Variants in NRXN3 observed in about 807,000 individuals in gnomAD.
The protein encoded by NRXN3 is neurexin III.
In NRXN3, 32 loss-of-function variants were observed where a neutral mutation model predicts 137.6. The observed-to-expected ratio is 0.23, with a 90% CI of 0.18 to 0.31. NRXN3 has a LOEUF of 0.31. Among genes scored for constraint, NRXN3 ranks in the 10% least tolerant of loss-of-function variants. The probability of loss-of-function intolerance (pLI) is 1.00; values close to 1 mark genes in which losing one functional copy is unlikely to be tolerated. For synonymous variants in NRXN3, 798 were observed against 784.5 expected (o/e 1.02, Z -0.29); for missense variants, 1,574 against 2,062.5 (o/e 0.76, Z 4.59).
At chr14:78,908,240 A>T (rs1011071073) in intron 10 of NRXN3, among the ~76,000 whole-genome samples, 2 of 152,044 alleles carry the variant, frequency 1.3e-5, no homozygotes, top group African/African-American at 2.4e-5. Context: ...TTTATTTCCC[A>T]TTATAGAAAC....
intron 16 of NRXN3, among the ~76,000 whole-genome samples, chr14:79,475,301 A>G (rs1349914858): frequency 6.6e-6 from 1 of 152,190 alleles, no homozygotes; most frequent in Non-Finnish European, 1.5e-5. Context: ...GGAAATTATG[A>G]GAAGGAAAGG....
intron 16 of NRXN3, among the ~76,000 whole-genome samples, chr14:79,579,526 T>C (rs221415): frequency 0.27 from 40,855 of 151,714 alleles, 7,917 homozygotes; most frequent in African/African-American, 0.55. Context: ...TTATCATTCA[T>C]GTAGAATACA....
chr14:79,116,871 G>A (rs979953948), intron 15 of NRXN3, among the ~76,000 whole-genome samples: 1 of 152,176 alleles, frequency 6.6e-6, no homozygotes, highest in Non-Finnish European at 1.5e-5. Context: ...GTTTGGAAAG[G>A]TAGTGATTCT....
At chr14:78,511,831 G>A (rs1436910130) in intron 4 of NRXN3, among the ~76,000 whole-genome samples, 1 of 151,996 alleles carries the variant, frequency 6.6e-6, no homozygotes, top group Non-Finnish European at 1.5e-5. Context: ...TAGAACCCAG[G>A]ACTTCCAGCT....
chr14:79,726,167 ATTTG>A (rs1268225822), intron 19 of NRXN3, among the ~76,000 whole-genome samples: 1 of 152,164 alleles, frequency 6.6e-6, no homozygotes. Context: ...TCTCTAATAT[ATTTG>A]TTTAAAAAGG....
intron 16 of NRXN3, among the ~76,000 whole-genome samples, chr14:79,604,534 CTTT>C (rs60892453): frequency 6.9e-6 from 1 of 145,318 alleles, no homozygotes. Context: ...TGCTCCCGGA[CTTT>C]TTTTTTTTTT....
chr14:78,343,362 A>G (rs979021293), intron 4 of NRXN3, among the ~76,000 whole-genome samples: 1 of 152,204 alleles, frequency 6.6e-6, no homozygotes, highest in Non-Finnish European at 1.5e-5. Context: ...TAAAGCATCA[A>G]TGTTGACATT....
chr14:78,543,322 C>T lies in NRXN3; in HGVS notation c.758-101798C>T, dbSNP rs188191305. Among the ~76,000 whole-genome samples the T allele has an allele frequency of 3.2e-4, 48 of 152,302 alleles. 1 individual carries two copies. The highest frequency in any genetic ancestry group is 2.9e-3 in the Admixed American group (45 of 15,292). On this transcript the variant is annotated intron_variant, in intron 4 of 20. Transcript: ENST00000335750. ...TTATGTAAAACTTAATGCATATGTA[C>T]ACTTTTCTAGAGAGGAAGTCTTGAG...
At chr14:79,723,828 T>A (rs1568015193) in intron 19 of NRXN3, among the ~76,000 whole-genome samples, 1 of 152,226 alleles carries the variant, frequency 6.6e-6, no homozygotes, top group East Asian at 1.9e-4. Flanking sequence ...AAGCCCTTGA[T>A]ATGCAGCTAG....
Position 79,866,383 on chromosome 14 carries a change from A to C in NRXN3, c.*4419A>C, listed in dbSNP as rs538134910. Reference sequence around the variant, plus strand: ...AATAAGCTATCAAAAAGTACAAACTAAGTTGGGAGCTTAGAAGAAATTATG... The same window carrying C: ...AATAAGCTATCAAAAAGTACAAACTCAGTTGGGAGCTTAGAAGAAATTATG... On this transcript the variant is annotated 3_prime_UTR_variant, in exon 21 of 21. Transcript: ENST00000335750. 52 of 152,336 alleles carry C rather than the reference A, an allele frequency of 3.4e-4. No homozygotes were observed. Among genetic ancestry groups the C allele is most frequent in the African/African-American group, 1.2e-3 (51 of 41,572 alleles). 9.4% of individuals were successfully genotyped at this position (152,336 alleles called of 1,614,324 possible). A position where few individuals can be genotyped will look rare whatever the true frequency, so the allele number is the denominator to read the frequency against.
intron 20 of NRXN3, chr14:79,823,770 T>C (rs1156481181): frequency 3.1e-5 from 8 of 262,262 alleles, no homozygotes; most frequent in African/African-American, 8.8e-5. Flanking sequence ...TCCTTTTTCC[T>C]GGGTTGAATT....
intron 15 of NRXN3, among the ~76,000 whole-genome samples, chr14:79,457,737 A>C (rs749581298): frequency 1.3e-5 from 2 of 152,194 alleles, no homozygotes; most frequent in Non-Finnish European, 2.9e-5. Flanking sequence ...AAATCAAAGC[A>C]CTGGAAATAA....
intron 4 of NRXN3, among the ~76,000 whole-genome samples, chr14:78,540,917 C>A (rs968793289): frequency 3.3e-5 from 5 of 152,126 alleles, no homozygotes; most frequent in Non-Finnish European, 5.9e-5. Flanking sequence ...GTTGAAAATT[C>A]TTTTATTTTA....
intron 1 of NRXN3, among the ~76,000 whole-genome samples, chr14:78,189,440 TG>T (rs1370712224): frequency 2.0e-5 from 3 of 152,174 alleles, no homozygotes; most frequent in Admixed American, 1.3e-4. Context: ...GGCCTGGCCC[TG>T]GCACCCAGCA....
intron 4 of NRXN3, among the ~76,000 whole-genome samples, chr14:78,582,037 G>A (rs1402631857): frequency 6.6e-6 from 1 of 152,188 alleles, no homozygotes; most frequent in Non-Finnish European, 1.5e-5. Context: ...CCTGCTTCAT[G>A]TTGTTCTGTC....
At chr14:78,793,794 C>G (rs1386926565) in intron 8 of NRXN3, among the ~76,000 whole-genome samples, 1 of 152,108 alleles carries the variant, frequency 6.6e-6, no homozygotes, top group Non-Finnish European at 1.5e-5. Context: ...ACTATCTAGA[C>G]CAACTGGTAC....
chr14:79,369,739 G>A (rs944690112), intron 15 of NRXN3, among the ~76,000 whole-genome samples: 9 of 152,046 alleles, frequency 5.9e-5, no homozygotes, highest in East Asian at 1.9e-4. Context: ...TAGTCTCTGC[G>A]CTAGTGTAAT....
At chr14:78,346,834 T>C (rs1245532541) in intron 4 of NRXN3, among the ~76,000 whole-genome samples, 1 of 152,008 alleles carries the variant, frequency 6.6e-6, no homozygotes, top group East Asian at 1.9e-4. Context: ...GGTAACCCAG[T>C]GGGAGGGAGC....
At chr14:79,050,141 T>C (rs1173783740) in intron 15 of NRXN3, among the ~76,000 whole-genome samples, 2 of 152,202 alleles carry the variant, frequency 1.3e-5, no homozygotes, top group Admixed American at 1.3e-4. Flanking sequence ...CATTTGCCCT[T>C]CATCTATGGG....
Sources: gnomAD v4.1 joint callset for allele counts (sites outside exome capture counted in the v4.1 genomes callset) on GRCh38, gnomAD v4.1.1 for gene constraint, MANE v1.5 for transcripts, NCBI Gene and HGNC (gene_info 2026-07-23, HGNC 2026-07-21) for gene names.